DTNBP1: variants seen among roughly 807,000 people sequenced by gnomAD.
The protein encoded by DTNBP1 is dystrobrevin binding protein 1.
Under a neutral mutation model 42.8 loss-of-function variants are expected in DTNBP1, and 35 were observed. The observed-to-expected ratio is 0.82, with a 90% CI of 0.63 to 1.09. The LOEUF (loss-of-function observed/expected upper bound fraction) is 1.09, where lower values mean the gene tolerates loss of function less well. Ranked by LOEUF, DTNBP1 falls within the 50% of genes least tolerant of loss-of-function variation. DTNBP1 has a pLI of 0.00. For synonymous variants in DTNBP1, 171 were observed against 162.2 expected, an observed-to-expected ratio of 1.05 and a Z score of -0.41; for missense variants, 457 against 424.2, an observed-to-expected ratio of 1.08 and a Z score of -0.68.
chr6:15,615,524 T>C (rs1758668721), intron 5 of DTNBP1, 125 bp from the exon 6 acceptor site: 1 of 1,293,580 alleles, frequency 7.7e-7, no homozygotes, highest in Non-Finnish European at 1.1e-6. Context: ...ATGTTTTTTA[T>C]TAAACTTTCT....
intron 7 of DTNBP1, among the ~76,000 whole-genome samples, chr6:15,569,785 G>A (rs149276124): frequency 2.6e-5 from 4 of 152,218 alleles, no homozygotes; most frequent in South Asian, 4.2e-4. Context: ...GTGCCCACTC[G>A]TTACTCATAT....
At chr6:15,579,450 C>T (rs750395839) in intron 7 of DTNBP1, among the ~76,000 whole-genome samples, 4 of 152,198 alleles carry the variant, frequency 2.6e-5, no homozygotes, top group Non-Finnish European at 5.9e-5. Context: ...GAACAAGTTC[C>T]TGTGTTCTAT....
intron 7 of DTNBP1, among the ~76,000 whole-genome samples, chr6:15,564,425 T>G (rs1253520769): frequency 6.6e-6 from 1 of 152,164 alleles, no homozygotes; most frequent in African/African-American, 2.4e-5. Context: ...TTGATTTTTT[T>G]GAGACAAGGT....
chr6:15,653,943 T>C (rs1428998690), intron 1 of DTNBP1, among the ~76,000 whole-genome samples: 2 of 152,244 alleles, frequency 1.3e-5, no homozygotes, highest in Non-Finnish European at 2.9e-5. Context: ...TGCACAACTA[T>C]GCATGCTGGT....
chr6:15,658,244 T>C (rs529162140), intron 1 of DTNBP1, among the ~76,000 whole-genome samples: 2 of 152,326 alleles, frequency 1.3e-5, no homozygotes, highest in Non-Finnish European at 2.9e-5. Flanking sequence ...TGGCACTTAA[T>C]AGGAACTCTG....
chr6:15,606,754 A>G (rs551017865), intron 6 of DTNBP1, among the ~76,000 whole-genome samples: 1 of 152,318 alleles, frequency 6.6e-6, no homozygotes, highest in East Asian at 1.9e-4. Context: ...AACTTTTTCT[A>G]TCACATATTA....
intron 1 of DTNBP1, among the ~76,000 whole-genome samples, chr6:15,655,074 T>C (rs1021252482): frequency 1.3e-5 from 2 of 152,160 alleles, no homozygotes; most frequent in Non-Finnish European, 1.5e-5. Flanking sequence ...AATGGATATA[T>C]GTGGTTCATT....
intron 3 of DTNBP1, among the ~76,000 whole-genome samples, chr6:15,646,337 G>A (rs772891929): frequency 6.6e-6 from 1 of 150,944 alleles, no homozygotes; most frequent in South Asian, 2.1e-4. Context: ...TCTCTACAAA[G>A]AGAACTGTAA....
intron 7 of DTNBP1, among the ~76,000 whole-genome samples, chr6:15,588,883 T>C (rs1439315994): frequency 6.6e-6 from 1 of 152,258 alleles, no homozygotes; most frequent in Middle Eastern, 3.2e-3. Context: ...ATGACCTCTC[T>C]CTGGTTAATT....
intron 7 of DTNBP1, among the ~76,000 whole-genome samples, chr6:15,544,084 T>A (rs1223210638): frequency 6.6e-6 from 1 of 152,222 alleles, no homozygotes; most frequent in African/African-American, 2.4e-5. Context: ...ACACCTCTTA[T>A]AGCCATGCCC....
At chr6:15,579,345 T>G (rs1775719439) in intron 7 of DTNBP1, among the ~76,000 whole-genome samples, 1 of 152,204 alleles carries the variant, frequency 6.6e-6, no homozygotes. Context: ...AAAACTTGAC[T>G]GCATAGAAGT....
rs1344745858 is a variant in DTNBP1, at chr6:15,587,641, A to C, written c.511+5418T>G. 1.3e-5 allele frequency among the ~76,000 whole-genome samples: 2 copies of C among 152,216 alleles called. No individual in the cohort carries two copies. The highest frequency in any genetic ancestry group is 2.4e-5 in the African/African-American group (1 of 41,462). On this transcript the variant is annotated intron_variant, in intron 7 of 9. Transcript: ENST00000344537. The surrounding 1 kb of genome is among the most constrained non-coding windows in gnomAD (Gnocchi z 4.1). ...GCCAAAGCAATTCAATGGGGAAAAG[A>C]AGCTCTTTTCAAAAAATAGTTCTAA... is the stretch of plus-strand genomic sequence containing the variant.
intron 4 of DTNBP1, among the ~76,000 whole-genome samples, chr6:15,630,576 T>C (rs1017073563): frequency 6.6e-6 from 1 of 152,200 alleles, no homozygotes; most frequent in Non-Finnish European, 1.5e-5. Flanking sequence ...ATGGTATTTT[T>C]TTAATACACT....
At chr6:15,638,799 T>C (rs1002037214) in intron 3 of DTNBP1, among the ~76,000 whole-genome samples, 1 of 151,318 alleles carries the variant, frequency 6.6e-6, no homozygotes, top group African/African-American at 2.4e-5. Flanking sequence ...AATAGAAAAA[T>C]CCAAATTCAT....
chr6:15,649,371 G>A (rs1464954805), intron 3 of DTNBP1, among the ~76,000 whole-genome samples: 1 of 152,104 alleles, frequency 6.6e-6, no homozygotes. Flanking sequence ...CATAAACTTT[G>A]AAAACATTAT....
At chr6:15,592,968 T>C (rs951424211) in intron 7 of DTNBP1, 91 bp downstream of exon 7, 2 of 1,302,394 alleles carry the variant, frequency 1.5e-6, no homozygotes, top group African/African-American at 1.5e-5. Context: ...AAACTGATTT[T>C]AAAAAATGAG....
chr6:15,588,210 T>C (rs1004976791), intron 7 of DTNBP1, among the ~76,000 whole-genome samples: 1 of 152,202 alleles, frequency 6.6e-6, no homozygotes, highest in African/African-American at 2.4e-5. Flanking sequence ...CCTGAATCTG[T>C]GTCTTTCCCT....
chr6:15,596,677 T>A (rs1240794880), intron 6 of DTNBP1, among the ~76,000 whole-genome samples: 1 of 152,200 alleles, frequency 6.6e-6, no homozygotes, highest in East Asian at 1.9e-4. Flanking sequence ...GCCAATTTCA[T>A]CCCTAGCTTT....
Position 15,589,290 on chromosome 6 carries a change from T to C in DTNBP1, c.511+3769A>G, listed in dbSNP as rs369963988. On this transcript the variant is annotated intron_variant, in intron 7 of 9. Transcript: ENST00000344537. ...TATTTTTACTCAAATTTAGCCATCA[T>C]CATCACTGGGAATTGCTCCCCTTCT... Among the ~76,000 whole-genome samples, 4 of 152,320 alleles carry C rather than the reference T, an allele frequency of 2.6e-5. No homozygotes were observed. In the South Asian group the frequency reaches 6.2e-4, roughly 24 times the overall value.
Sources: gnomAD v4.1 joint callset for allele counts (sites outside exome capture counted in the v4.1 genomes callset) on GRCh38, gnomAD v4.1.1 for gene constraint, Gnocchi (gnomAD v3.1) non-coding constraint, MANE v1.5 for transcripts, NCBI Gene and HGNC (gene_info 2026-07-23, HGNC 2026-07-21) for gene names.